Variants in PROM1 observed in about 807,000 individuals in gnomAD.
PROM1 encodes the protein prominin 1.
Under a neutral mutation model 116.9 loss-of-function variants are expected in PROM1, and 105 were observed. The observed-to-expected ratio is 0.90, with a 90% confidence interval of 0.77 to 1.06. The LOEUF (loss-of-function observed/expected upper bound fraction) is 1.06. Ranked by LOEUF, PROM1 falls within the 50% of genes least tolerant of loss-of-function variation. The probability of loss-of-function intolerance (pLI) is 0.00; values close to 1 mark genes in which losing one functional copy is unlikely to be tolerated. For synonymous variants in PROM1, 393 were observed against 387.0 expected (o/e 1.02, Z -0.18); for missense variants, 1,122 against 1,045.2 (o/e 1.07, Z -1.01).
chr4:16,008,664 T>C lies in PROM1; in HGVS notation c.1301+285A>G, dbSNP rs568208460. 5.1e-4 allele frequency among the ~76,000 whole-genome samples: 78 copies of C among 152,338 alleles called. 1 individual carries two copies. The highest frequency in any genetic ancestry group is 1.8e-3 in the African/African-American group (75 of 41,580). On this transcript the variant is annotated intron_variant, in intron 12 of 27. Transcript: ENST00000447510. ...GTATTTGGCTCACGAAGGTCCAGTC[T>C]TCAACTTAAAAATAAACGTGGACTG...
At chr4:16,055,887 T>A (rs888930212) in intron 2 of PROM1, among the ~76,000 whole-genome samples, 4 of 152,132 alleles carry the variant, frequency 2.6e-5, no homozygotes, top group African/African-American at 7.2e-5. Context: ...AAAAGAATCC[T>A]AAACACAAAC....
chr4:16,064,134 G>A (rs1740975845), intron 2 of PROM1, among the ~76,000 whole-genome samples: 1 of 152,142 alleles, frequency 6.6e-6, no homozygotes. Flanking sequence ...ATGCCCGGCA[G>A]AAATGTGTAC....
chr4:16,027,875 T>C (rs1468757820), intron 5 of PROM1, among the ~76,000 whole-genome samples: 1 of 152,326 alleles, frequency 6.6e-6, no homozygotes, highest in East Asian at 1.9e-4. Flanking sequence ...TGAATAAATG[T>C]CCTTACTCAC....
At chr4:15,986,510 T>C (rs1719450057) in intron 20 of PROM1, among the ~76,000 whole-genome samples, 1 of 151,992 alleles carries the variant, frequency 6.6e-6, no homozygotes, top group African/African-American at 2.4e-5. Flanking sequence ...AAATTGGAAA[T>C]GGGGCCTTTT....
At chr4:15,995,718 A>T (rs73230287) in intron 15 of PROM1, among the ~76,000 whole-genome samples, 19,617 of 151,982 alleles carry the variant, frequency 0.13, 1,435 homozygotes, top group Non-Finnish European at 0.17. Context: ...ATCCCCACTA[A>T]CCTACTAAGA....
chr4:15,991,226 C>G lies in PROM1; in HGVS notation c.1979G>C (p.Ser660Thr). ...AACCGGACGATTTGAACTCACCAAA[C>G]TGTTTGCTTTTGCTTCTAGATCATA... Reference protein sequence around the residue: ...FAYDLEAKANSLPPGNLRNSL... With the variant: ...FAYDLEAKANTLPPGNLRNSL... Residue 660 changes from serine (S) to threonine (T), a missense_variant, in exon 18 of 28, where the codon AGT (serine) becomes ACT (threonine). By Grantham distance (58) the Ser-to-Thr change is moderately conservative. Transcript: ENST00000447510. 1 of 1,607,736 alleles carries G rather than the reference C, an allele frequency of 6.2e-7. No individual in the cohort carries two copies. The highest frequency in any genetic ancestry group is 8.5e-7 in the Non-Finnish European group (1 of 1,177,170).
intron 1 of PROM1, among the ~76,000 whole-genome samples, chr4:16,081,310 C>T (rs914476487): frequency 4.6e-5 from 7 of 152,178 alleles, no homozygotes; most frequent in Admixed American, 6.5e-5. Context: ...GCTGGGAAAC[C>T]TGGCTAGCCA....
intron 1 of PROM1, among the ~76,000 whole-genome samples, chr4:16,077,315 T>C (rs1320819224): frequency 6.6e-6 from 1 of 152,208 alleles, no homozygotes; most frequent in African/African-American, 2.4e-5. Flanking sequence ...TGGGTATGCA[T>C]ATCTAAAGCA....
chr4:16,018,583 C>A, intron 8 of PROM1, 43 bp from the exon 9 acceptor site: 1 of 1,531,776 alleles, frequency 6.5e-7, no homozygotes. Flanking sequence ...TGCCAAGTCC[C>A]TCCTCATCTA....
chr4:16,011,231 C>T (rs1726818780), intron 11 of PROM1, among the ~76,000 whole-genome samples: 1 of 152,178 alleles, frequency 6.6e-6, no homozygotes, highest in South Asian at 2.1e-4. Flanking sequence ...TCCCACTAGC[C>T]TCTCCTCACC....
At chr4:16,003,382 A>G (rs777375733) in intron 13 of PROM1, 1 of 456,768 alleles carries the variant, frequency 2.2e-6, no homozygotes, top group South Asian at 1.5e-5. Flanking sequence ...TATTCGGCAA[A>G]GAGCATCATG....
At chr4:15,977,600 C>T in intron 26 of PROM1, among the ~76,000 whole-genome samples, 1 of 152,194 alleles carries the variant, frequency 6.6e-6, no homozygotes, top group South Asian at 2.1e-4. Flanking sequence ...CATTTCATGA[C>T]TTTATTTATT....
At chr4:16,050,581 T>A (rs929972999) in intron 2 of PROM1, among the ~76,000 whole-genome samples, 1 of 152,188 alleles carries the variant, frequency 6.6e-6, no homozygotes, top group Non-Finnish European at 1.5e-5. Context: ...CTCGAACTCC[T>A]GGGCTCAAGT....
chr4:15,991,343 C>G, intron 17 of PROM1, 50 bp from the exon 18 acceptor site: 2 of 1,261,546 alleles, frequency 1.6e-6, no homozygotes, highest in Non-Finnish European at 2.2e-6. Flanking sequence ...ATCTTTAAGC[C>G]TTAACACAAC....
chr4:16,067,267 T>C (rs1741753390), intron 2 of PROM1, among the ~76,000 whole-genome samples: 1 of 152,202 alleles, frequency 6.6e-6, no homozygotes, highest in Non-Finnish European at 1.5e-5. Flanking sequence ...TGTGTGACCC[T>C]AGACACTCCT....
intron 2 of PROM1, among the ~76,000 whole-genome samples, chr4:16,069,848 G>T (rs1742397253): frequency 6.6e-6 from 1 of 152,152 alleles, no homozygotes; most frequent in Non-Finnish European, 1.5e-5. Context: ...TAACATTTAT[G>T]GACAGATAAA....
At chr4:16,021,229 C>T (rs563969027) in intron 8 of PROM1, among the ~76,000 whole-genome samples, 41 of 151,088 alleles carry the variant, frequency 2.7e-4, no homozygotes, top group African/African-American at 9.2e-4. Context: ...AATAATAACA[C>T]ACGAGGCACT....
At chr4:16,005,591 T>G (rs1425105678) in intron 13 of PROM1, among the ~76,000 whole-genome samples, 1 of 151,414 alleles carries the variant, frequency 6.6e-6, no homozygotes, top group East Asian at 1.9e-4. Flanking sequence ...TTAATCAAAT[T>G]AATGTACAGC....
At chr4:16,004,832 T>TCTTCCTTCCTTCCTTCCTTCCTTC (rs561919636) in intron 13 of PROM1, among the ~76,000 whole-genome samples, 1 of 122,506 alleles carries the variant, frequency 8.2e-6, no homozygotes, top group African/African-American at 3.0e-5. Flanking sequence ...TCTTTCTTTT[T>TCTTCCTTCCTTCCTTCCTTCCTTC]CTTCCTTCCT....
Sources: gnomAD v4.1 joint callset for allele counts (sites outside exome capture counted in the v4.1 genomes callset) on GRCh38, gnomAD v4.1.1 for gene constraint, MANE v1.5 for transcripts, NCBI Gene and HGNC (gene_info 2026-07-23, HGNC 2026-07-21) for gene names.